The following RBFOX1 variants were observed in gnomAD, a reference collection of about 807,000 sequenced individuals.
RBFOX1 encodes RNA binding protein fox-1 homolog 1.
In RBFOX1, 8 loss-of-function variants were observed where a neutral mutation model predicts 57.7. That is an observed-to-expected ratio of 0.14 (90% CI 0.08 to 0.25). The LOEUF (loss-of-function observed/expected upper bound fraction) is 0.25, where lower values mean the gene tolerates loss of function less well. Among genes scored for constraint, RBFOX1 ranks in the 10% least tolerant of loss-of-function variants. The pLI is 1.00. For missense variants in RBFOX1, 611 were observed against 548.5 expected (o/e 1.11, Z -1.14); for synonymous variants, 326 against 222.4 (o/e 1.47, Z -4.15).
chr16:5,406,588 CTCTA>C (rs1005901499), intron 1 of RBFOX1, among the ~76,000 whole-genome samples: 9 of 151,998 alleles, frequency 5.9e-5, no homozygotes, highest in Non-Finnish European at 1.3e-4. Context: ...CTCTCTCTCT[CTCTA>C]TATATATGTA....
intron 3 of RBFOX1, among the ~76,000 whole-genome samples, chr16:6,804,414 A>T (rs77826160): frequency 0.029 from 4,381 of 152,222 alleles, 223 homozygotes; most frequent in African/African-American, 0.099. Context: ...GCAGTATTTC[A>T]GGTCAACAAT....
chr16:6,929,228 AC>A (rs1403252706), intron 3 of RBFOX1, among the ~76,000 whole-genome samples: 1 of 152,076 alleles, frequency 6.6e-6, no homozygotes, highest in Non-Finnish European at 1.5e-5. Flanking sequence ...CTTGGATCCT[AC>A]CCTTTATGAC....
At chr16:6,904,024 C>T (rs1314568562) in intron 3 of RBFOX1, among the ~76,000 whole-genome samples, 2 of 152,072 alleles carry the variant, frequency 1.3e-5, no homozygotes, top group East Asian at 1.9e-4. Flanking sequence ...CCTACAAATG[C>T]CCCCACCTGA....
intron 14 of RBFOX1, among the ~76,000 whole-genome samples, chr16:7,700,900 G>A (rs929413966): frequency 3.3e-5 from 5 of 152,116 alleles, no homozygotes; most frequent in Non-Finnish European, 7.4e-5. Context: ...TTTGCCATGG[G>A]TAAATGGTCT....
chr16:6,919,769 C>CTTTTTTTTTTTTTTTT (rs57240620), intron 3 of RBFOX1, among the ~76,000 whole-genome samples: 8 of 123,498 alleles, frequency 6.5e-5, no homozygotes, highest in Non-Finnish European at 1.1e-4. Flanking sequence ...TAAGATCATT[C>CTTTTTTTTTTTTTTTT]TTTTTTTTTT....
intron 2 of RBFOX1, among the ~76,000 whole-genome samples, chr16:6,631,703 A>G (rs545617121): frequency 1.4e-4 from 21 of 152,304 alleles, no homozygotes; most frequent in Admixed American, 9.1e-4. Flanking sequence ...AGGATAAAGC[A>G]TTGCTGGCTG....
chr16:7,422,107 C>T (rs1046428459), intron 4 of RBFOX1, among the ~76,000 whole-genome samples: 2 of 152,080 alleles, frequency 1.3e-5, no homozygotes, highest in Admixed American at 1.3e-4. Flanking sequence ...TGGCTTTGGT[C>T]GAGCCTGTGA....
intron 1 of RBFOX1, among the ~76,000 whole-genome samples, chr16:5,413,681 G>A (rs1249571891): frequency 6.6e-6 from 1 of 152,130 alleles, no homozygotes; most frequent in Non-Finnish European, 1.5e-5. Context: ...TGTTATTCTG[G>A]GAAATAAGTG....
At chr16:6,788,057 T>C (rs1250470882) in intron 3 of RBFOX1, among the ~76,000 whole-genome samples, 1 of 152,042 alleles carries the variant, frequency 6.6e-6, no homozygotes, top group Non-Finnish European at 1.5e-5. Context: ...ACCCCATCTC[T>C]ACTAAAAATA....
chr16:5,917,128 T>G (rs114615782), intron 4 of RBFOX1, among the ~76,000 whole-genome samples: 2,035 of 152,252 alleles, frequency 0.013, 44 homozygotes, highest in African/African-American at 0.047. Context: ...TTTTCCTTCC[T>G]GTTCCTCTGC....
At chr16:5,408,600 C>T (rs1037235417) in intron 1 of RBFOX1, among the ~76,000 whole-genome samples, 2 of 152,172 alleles carry the variant, frequency 1.3e-5, no homozygotes, top group African/African-American at 4.8e-5. Context: ...CTGTATTAGG[C>T]CGTTCTTGCA....
chr16:5,634,737 C>G (rs1020631669), intron 3 of RBFOX1, among the ~76,000 whole-genome samples: 2 of 152,212 alleles, frequency 1.3e-5, no homozygotes, highest in Non-Finnish European at 2.9e-5. Flanking sequence ...AGCGTATTCT[C>G]TCCATTTCTC....
intron 2 of RBFOX1, among the ~76,000 whole-genome samples, chr16:6,343,213 C>G (rs182422576): frequency 1.3e-5 from 2 of 152,198 alleles, no homozygotes; most frequent in East Asian, 3.9e-4. Flanking sequence ...CATTCTTATT[C>G]TCATTTTCTG....
At chr16:5,697,148 TATTA>T (rs1027574319) in intron 3 of RBFOX1, among the ~76,000 whole-genome samples, 1 of 152,136 alleles carries the variant, frequency 6.6e-6, no homozygotes, top group Non-Finnish European at 1.5e-5. Context: ...CTGGATATAA[TATTA>T]ATTTTTGCAT....
chr16:6,975,674 T>C (rs1481494235), intron 3 of RBFOX1, among the ~76,000 whole-genome samples: 1 of 152,188 alleles, frequency 6.6e-6, no homozygotes, highest in East Asian at 1.9e-4. Context: ...CAGCCCAAGT[T>C]CATAAATATC....
At chr16:7,174,679 C>G (rs1025888288) in intron 4 of RBFOX1, among the ~76,000 whole-genome samples, 14 of 152,302 alleles carry the variant, frequency 9.2e-5, no homozygotes, top group African/African-American at 2.6e-4. Context: ...ACTCGGGAGT[C>G]TGAGGCAGGA....
chr16:7,409,894 C>T (rs79260728), intron 4 of RBFOX1, among the ~76,000 whole-genome samples: 1 of 152,116 alleles, frequency 6.6e-6, no homozygotes, highest in Non-Finnish European at 1.5e-5. Context: ...GGAGTTCCGG[C>T]AATGTCTTAA....
intron 1 of RBFOX1, among the ~76,000 whole-genome samples, chr16:6,040,779 A>G (rs2095428254): frequency 1.3e-5 from 2 of 152,022 alleles, no homozygotes; most frequent in South Asian, 2.1e-4. Context: ...TATTTTCAGT[A>G]GAGACTGGGT....
At chr16:5,966,052 G>A (rs1416066613) in intron 4 of RBFOX1, among the ~76,000 whole-genome samples, 1 of 152,060 alleles carries the variant, frequency 6.6e-6, no homozygotes, top group Non-Finnish European at 1.5e-5. Flanking sequence ...TTTCGTCTGT[G>A]CTTTCTCCAG....
Sources: allele counts gnomAD v4.1 joint callset (sites outside exome capture counted in the v4.1 genomes callset), GRCh38; gene constraint gnomAD v4.1.1; transcripts MANE v1.5; gene names NCBI Gene and HGNC (gene_info 2026-07-23, HGNC 2026-07-21).